The following EPHA4 variants were observed in gnomAD, a reference collection of about 807,000 sequenced individuals.
EPHA4 encodes ephrin type-A receptor 4.
In EPHA4, 19 loss-of-function variants were observed where a neutral mutation model predicts 108.3. That is an observed-to-expected ratio of 0.18 (90% CI 0.12 to 0.26). The LOEUF (loss-of-function observed/expected upper bound fraction) is 0.26, where lower values mean the gene tolerates loss of function less well. Ranked by LOEUF, EPHA4 falls within the 10% of genes least tolerant of loss-of-function variation. EPHA4 has a pLI of 1.00. For missense variants in EPHA4, 917 were observed against 1,254.0 expected (o/e 0.73, Z 4.06); for synonymous variants, 449 against 455.5 (o/e 0.99, Z 0.18).
chr2:221,439,244 T>C (rs533969314), intron 11 of EPHA4, among the ~76,000 whole-genome samples: 57 of 151,970 alleles, frequency 3.8e-4, no homozygotes, highest in African/African-American at 1.3e-3. Context: ...CAGGGGTGTG[T>C]CTGCACATTC....
chr2:221,451,614 A>C (rs982937239), intron 8 of EPHA4, among the ~76,000 whole-genome samples: 1 of 152,222 alleles, frequency 6.6e-6, no homozygotes, highest in African/African-American at 2.4e-5. Flanking sequence ...GTTCTGCCTT[A>C]AACTAACCTA....
chr2:221,537,426 T>C (rs1196996631), intron 3 of EPHA4, among the ~76,000 whole-genome samples: 1 of 152,230 alleles, frequency 6.6e-6, no homozygotes, highest in African/African-American at 2.4e-5. Flanking sequence ...GGTCAGTGAA[T>C]TATTTGATTT....
upstream of EPHA4, chr2:221,572,411 G>A (rs537191040): frequency 6.3e-5 from 28 of 447,784 alleles, no homozygotes; most frequent in Admixed American, 7.6e-4. Context: ...CAGACAGGGC[G>A]GCCGAGCCCC....
At chr2:221,480,635 C>T (rs1691791314) in intron 5 of EPHA4, among the ~76,000 whole-genome samples, 2 of 152,172 alleles carry the variant, frequency 1.3e-5, no homozygotes, top group South Asian at 2.1e-4. Context: ...CTAATGACTG[C>T]GAACAGTGTT....
At chr2:221,459,673 A>G (rs559201160) in intron 5 of EPHA4, among the ~76,000 whole-genome samples, 1 of 152,284 alleles carries the variant, frequency 6.6e-6, no homozygotes, top group Non-Finnish European at 1.5e-5. Flanking sequence ...AGAGGTAGCA[A>G]GGAGGCTAAG....
intron 15 of EPHA4, among the ~76,000 whole-genome samples, chr2:221,426,968 C>A (rs2106089647): frequency 6.6e-6 from 1 of 152,308 alleles, no homozygotes; most frequent in South Asian, 2.1e-4. Context: ...CAGAAAGAGT[C>A]CAGTCTCTGC....
At chr2:221,479,926 C>T (rs1471048263) in intron 5 of EPHA4, among the ~76,000 whole-genome samples, 1 of 152,122 alleles carries the variant, frequency 6.6e-6, no homozygotes, top group Non-Finnish European at 1.5e-5. Flanking sequence ...GTTCAGCAAA[C>T]CTCCTTGGCA....
chr2:221,469,509 C>T (rs1691411710), intron 5 of EPHA4, among the ~76,000 whole-genome samples: 1 of 152,096 alleles, frequency 6.6e-6, no homozygotes, highest in African/African-American at 2.4e-5. Flanking sequence ...CTAACAGAAC[C>T]CATGAGACAA....
At chr2:221,480,231 G>A (rs1025320148) in intron 5 of EPHA4, among the ~76,000 whole-genome samples, 1 of 152,070 alleles carries the variant, frequency 6.6e-6, no homozygotes, top group Non-Finnish European at 1.5e-5. Context: ...AGCCAAGCCT[G>A]TCCTCAGCGC....
chr2:221,479,137 T>C (rs1691746322), intron 5 of EPHA4, among the ~76,000 whole-genome samples: 1 of 152,194 alleles, frequency 6.6e-6, no homozygotes, highest in South Asian at 2.1e-4. Context: ...TCTGGTCTCA[T>C]AAATGGGGAG....
intron 3 of EPHA4, among the ~76,000 whole-genome samples, chr2:221,549,274 C>G (rs535181036): frequency 6.6e-6 from 1 of 152,336 alleles, no homozygotes; most frequent in Non-Finnish European, 1.5e-5. Context: ...CTGTGGCCCA[C>G]AGAATTTGTG....
chr2:221,549,945 A>G (rs968340590), intron 3 of EPHA4, among the ~76,000 whole-genome samples: 1 of 152,198 alleles, frequency 6.6e-6, no homozygotes, highest in African/African-American at 2.4e-5. Flanking sequence ...GAGCCAAGAT[A>G]GCACCAGCCT....
At chr2:221,445,548 C>T (rs1574569064) in intron 9 of EPHA4, among the ~76,000 whole-genome samples, 1 of 148,404 alleles carries the variant, frequency 6.7e-6, no homozygotes. Context: ...CAAGATCATG[C>T]CAGTGCACTC....
intron 5 of EPHA4, among the ~76,000 whole-genome samples, chr2:221,459,734 G>C (rs1691081679): frequency 6.6e-6 from 1 of 152,088 alleles, no homozygotes; most frequent in African/African-American, 2.4e-5. Context: ...TAAATATATT[G>C]CCTAACAGAC....
intron 3 of EPHA4, among the ~76,000 whole-genome samples, chr2:221,536,805 T>A (rs2106187436): frequency 6.6e-6 from 1 of 152,356 alleles, no homozygotes; most frequent in Admixed American, 6.5e-5. Flanking sequence ...ACTCCTCACC[T>A]ATTAGCTGTG....
intron 3 of EPHA4, among the ~76,000 whole-genome samples, chr2:221,562,419 T>A (rs1298404771): frequency 6.6e-6 from 1 of 152,204 alleles, no homozygotes; most frequent in Non-Finnish European, 1.5e-5. Context: ...ATTTTCTTCA[T>A]GTTCTAACTG....
intron 3 of EPHA4, among the ~76,000 whole-genome samples, chr2:221,540,733 G>T (rs957798806): frequency 6.6e-5 from 10 of 152,068 alleles, no homozygotes; most frequent in Non-Finnish European, 1.0e-4. Context: ...CTCTACTAAG[G>T]ACTCCCTTTT....
chr2:221,440,351 A>G (rs964130810), intron 11 of EPHA4, among the ~76,000 whole-genome samples: 4 of 152,186 alleles, frequency 2.6e-5, no homozygotes, highest in African/African-American at 9.7e-5. Context: ...GGTGCTAGGA[A>G]AATCACTGTC....
chr2:221,424,139 A>AT lies in EPHA4; in HGVS notation c.*819+1069_*819+1070insA, dbSNP rs1689829738. On this transcript the variant is annotated intron_variant, in intron 17 of 17. Coordinates refer to ENST00000281821, the MANE Select transcript of EPHA4 (RefSeq NM_004438.5). ...AAATAGTAATAATAATAATAATAAT[A>AT]ATTTTTTTTTTTTACCAAGCAAGCA... 2.5e-5 allele frequency among the ~76,000 whole-genome samples: 3 copies of AT among 121,656 alleles called. No homozygotes were observed. The Admixed American group carries it at 2.6e-4, about 10-fold the overall frequency. The allele number at this position is 121,656 out of a possible 152,430, so 79.8% of individuals were successfully genotyped here.
Sources: gnomAD v4.1 joint callset for allele counts (sites outside exome capture counted in the v4.1 genomes callset) on GRCh38, gnomAD v4.1.1 for gene constraint, MANE v1.5 for transcripts, NCBI Gene and HGNC (gene_info 2026-07-23, HGNC 2026-07-21) for gene names.